Variants in RALYL observed in about 807,000 individuals in gnomAD.
RALYL encodes RALY RNA binding protein like.
In RALYL, 29 loss-of-function variants were observed where a neutral mutation model predicts 35.1. The observed-to-expected ratio is 0.83, with a 90% CI of 0.61 to 1.13. The LOEUF is 1.13. Among genes scored for constraint, RALYL ranks in the 50% most tolerant of loss-of-function variants. RALYL has a pLI of 0.00. For missense variants in RALYL, 359 were observed against 360.4 expected, an observed-to-expected ratio of 1.00 and a Z score of 0.03; for synonymous variants, 120 against 127.6, an observed-to-expected ratio of 0.94 and a Z score of 0.40.
At chr8:84,617,094 T>A (rs1448651552) in intron 2 of RALYL, among the ~76,000 whole-genome samples, 1 of 150,612 alleles carries the variant, frequency 6.6e-6, no homozygotes, top group Non-Finnish European at 1.5e-5. Flanking sequence ...TGGTTCCATA[T>A]GAACTTTAAA....
chr8:84,275,532 C>G (rs1216215264), intron 1 of RALYL, among the ~76,000 whole-genome samples: 1 of 151,570 alleles, frequency 6.6e-6, no homozygotes, highest in African/African-American at 2.4e-5. Context: ...ACATAGTTAC[C>G]ACTTTCATGG....
At chr8:84,622,963 G>A (rs1588589312) in intron 2 of RALYL, among the ~76,000 whole-genome samples, 1 of 152,254 alleles carries the variant, frequency 6.6e-6, no homozygotes, top group East Asian at 1.9e-4. Flanking sequence ...AGATAGTCAT[G>A]TAACATTTTC....
Position 84,342,277 on chromosome 8 carries a change from A to T in RALYL, c.-24+157853A>T, listed in dbSNP as rs184145788. 5.8e-3 allele frequency among the ~76,000 whole-genome samples: 377 copies of T among 65,558 alleles called. 4 individuals are homozygous for T. The highest frequency in any genetic ancestry group is 7.8e-3 in the Non-Finnish European group (266 of 34,300). The allele number at this position is 65,558 out of a possible 152,430, so 43.0% of individuals were successfully genotyped here. A position where few individuals can be genotyped will look rare whatever the true frequency, so the allele number is the denominator to read the frequency against. ...TGAGTGAGGGTACAGAGCATCGTTCAATATATATATATATATATAAAACTC... is the reference window on the plus strand; with the variant it reads ...TGAGTGAGGGTACAGAGCATCGTTCTATATATATATATATATATAAAACTC... On this transcript the variant is annotated intron_variant, in intron 1 of 8. Transcript: ENST00000521268.
intron 3 of RALYL, among the ~76,000 whole-genome samples, chr8:84,781,352 T>G (rs1818122903): frequency 6.6e-6 from 1 of 152,180 alleles, no homozygotes; most frequent in African/African-American, 2.4e-5. Flanking sequence ...TTTAAAATGT[T>G]CAAAAAAGTG....
At chr8:84,584,554 G>T (rs1183501330) in intron 2 of RALYL, among the ~76,000 whole-genome samples, 1 of 150,890 alleles carries the variant, frequency 6.6e-6, no homozygotes, top group Admixed American at 6.6e-5. Flanking sequence ...AGTGAGCCAA[G>T]ATTGTGCCAC....
At chr8:84,672,578 AG>A (rs1220363187) in intron 2 of RALYL, among the ~76,000 whole-genome samples, 1 of 152,176 alleles carries the variant, frequency 6.6e-6, no homozygotes, top group Non-Finnish European at 1.5e-5. Flanking sequence ...TAATTTATAA[AG>A]AAAAAGAGAT....
intron 6 of RALYL, among the ~76,000 whole-genome samples, chr8:84,871,857 AAC>A (rs1301769355): frequency 1.2e-4 from 18 of 152,198 alleles, no homozygotes; most frequent in Non-Finnish European, 2.4e-4. Context: ...TATGATCCAT[AAC>A]ATATCATGTA....
At chr8:84,531,054 T>C (rs1412289064) in intron 2 of RALYL, among the ~76,000 whole-genome samples, 1 of 151,736 alleles carries the variant, frequency 6.6e-6, no homozygotes, top group Non-Finnish European at 1.5e-5. Context: ...TCTTCCTCCT[T>C]CTTTCACTGT....
chr8:84,653,510 T>C (rs902432252), intron 2 of RALYL, among the ~76,000 whole-genome samples: 1 of 152,042 alleles, frequency 6.6e-6, no homozygotes, highest in Non-Finnish European at 1.5e-5. Context: ...GCCTTTGCAA[T>C]TTCCAGTCCC....
At chr8:84,597,172 A>G (rs1168196574) in intron 2 of RALYL, among the ~76,000 whole-genome samples, 1 of 152,162 alleles carries the variant, frequency 6.6e-6, no homozygotes, top group Non-Finnish European at 1.5e-5. Context: ...TTCTAAAGTA[A>G]TGAAACATAG....
intron 4 of RALYL, among the ~76,000 whole-genome samples, chr8:84,843,083 T>G (rs188784982): frequency 4.6e-4 from 70 of 152,140 alleles, no homozygotes; most frequent in Middle Eastern, 3.4e-3. Flanking sequence ...CTCTCACCAC[T>G]CCTATTCAAC....
intron 2 of RALYL, among the ~76,000 whole-genome samples, chr8:84,687,571 T>C (rs1837073698): frequency 6.6e-6 from 1 of 152,086 alleles, no homozygotes; most frequent in African/African-American, 2.4e-5. Flanking sequence ...TATAGACAAG[T>C]ATCTTGTTTA....
chr8:84,424,058 G>T (rs2046026612), intron 1 of RALYL, among the ~76,000 whole-genome samples: 1 of 151,972 alleles, frequency 6.6e-6, no homozygotes, highest in African/African-American at 2.4e-5. Flanking sequence ...GAGTATCTTT[G>T]TGGCGTTCTC....
chr8:84,913,473 G>A (rs947475375), intron 8 of RALYL, among the ~76,000 whole-genome samples: 2 of 151,924 alleles, frequency 1.3e-5, no homozygotes, highest in South Asian at 2.1e-4. Flanking sequence ...ATCTATACCA[G>A]GATAATCATA....
At chr8:84,742,793 T>C (rs1317696145) in intron 2 of RALYL, among the ~76,000 whole-genome samples, 1 of 152,056 alleles carries the variant, frequency 6.6e-6, no homozygotes, top group East Asian at 1.9e-4. Flanking sequence ...AAACAGGCTG[T>C]CCTTCAAGCA....
In RALYL at chr8:84,862,206, T is replaced by C. The variant is rs2135056657; in HGVS notation, c.414-90T>C. 3 of 1,107,956 alleles carry C rather than the reference T, an allele frequency of 2.7e-6. No homozygotes were observed. The East Asian group carries it at 9.0e-5, about 33-fold the overall frequency. The allele number at this position is 1,107,956 out of a possible 1,614,324, so 68.6% of individuals were successfully genotyped here. ...AGAAAGAAAACATTTATTGAAATTT[T>C]CTACCAGGACATTCTGTTCAACATT... On this transcript the variant is annotated intron_variant, in intron 5 of 8. Coordinates refer to ENST00000521268, the MANE Select transcript of RALYL (RefSeq NM_173848.7).
chr8:84,493,751 A>G (rs901520664), intron 1 of RALYL, among the ~76,000 whole-genome samples: 6 of 150,152 alleles, frequency 4.0e-5, no homozygotes, highest in Non-Finnish European at 7.5e-5. Context: ...CCCTTTGCCC[A>G]CTTTTTTTTT....
chr8:84,726,557 G>T (rs1383121307), intron 2 of RALYL, among the ~76,000 whole-genome samples: 5 of 151,324 alleles, frequency 3.3e-5, no homozygotes, highest in Non-Finnish European at 5.9e-5. Flanking sequence ...TGTTTATAAG[G>T]TAGAAATTGC....
At chr8:84,514,132 A>G (rs7464552) in intron 1 of RALYL, among the ~76,000 whole-genome samples, 3 of 128,148 alleles carry the variant, frequency 2.3e-5, no homozygotes, top group South Asian at 3.0e-4. Flanking sequence ...AAGAAAGAAA[A>G]AAAGAAAAGA....
Sources: allele counts gnomAD v4.1 joint callset (sites outside exome capture counted in the v4.1 genomes callset), GRCh38; gene constraint gnomAD v4.1.1; transcripts MANE v1.5; gene names NCBI Gene and HGNC (gene_info 2026-07-23, HGNC 2026-07-21).